ATP13A3: variants seen among roughly 807,000 people sequenced by gnomAD.
The protein encoded by ATP13A3 is ATPase 13A3, also known as polyamine-transporting ATPase 13A3.
Under a neutral mutation model 158.1 loss-of-function variants are expected in ATP13A3, and 59 were observed. That is an observed-to-expected ratio of 0.37 (90% confidence interval 0.30 to 0.46). The LOEUF is 0.46. ATP13A3 is among the 20% of genes least tolerant of loss of function. ATP13A3 has a pLI of 1.00. For synonymous variants in ATP13A3, 491 were observed against 504.3 expected (o/e 0.97, Z 0.35); for missense variants, 1,166 against 1,525.2 (o/e 0.76, Z 3.92).
intron 16 of ATP13A3, among the ~76,000 whole-genome samples, chr3:194,440,359 G>A (rs1237381307): frequency 6.6e-6 from 1 of 152,164 alleles, no homozygotes; most frequent in Non-Finnish European, 1.5e-5. Context: ...CTGACATGAG[G>A]GTGAGGATTC....
chr3:194,442,097 A>G (rs1170506755), intron 15 of ATP13A3, among the ~76,000 whole-genome samples: 1 of 152,246 alleles, frequency 6.6e-6, no homozygotes, highest in Non-Finnish European at 1.5e-5. Context: ...GTCCATAAGT[A>G]GCAGAGCAAG....
intron 2 of ATP13A3, among the ~76,000 whole-genome samples, chr3:194,471,234 T>C (rs1264585344): frequency 2.7e-5 from 4 of 150,314 alleles, no homozygotes; most frequent in Non-Finnish European, 1.5e-5. Context: ...AGTATACTTC[T>C]ATTAATTAGA....
Position 194,455,907 on chromosome 3 carries a change from G to A in ATP13A3, c.616C>T (p.Leu206Phe). 1 of 1,544,834 alleles carries A rather than the reference G, an allele frequency of 6.5e-7. No homozygotes were observed. The highest frequency in any genetic ancestry group is 8.8e-7 in the Non-Finnish European group (1 of 1,136,046). The change falls in exon 8 of 34, where the codon CTT (leucine) becomes TTT (phenylalanine). Residue 206 changes from leucine to phenylalanine, a missense_variant. This residue lies in a region of ATP13A3 where 997 missense variants were observed against 1,341.2 expected (regional missense o/e 0.74). Coordinates refer to ENST00000645319, the MANE Select transcript of ATP13A3 (RefSeq NM_001367549.1). ...AATAGTCTTACCTCTTTAATTAGAA[G>A]CTTAAAAACAGAAGGCACTTTTACA... ...IAVKVPSVFK[L>F]LIKEVLNPFY... is the part of the protein sequence containing the mutation.
intron 20 of ATP13A3, 129 bp downstream of exon 20, chr3:194,436,966 A>G (rs533843964): frequency 8.1e-7 from 1 of 1,230,412 alleles, no homozygotes; most frequent in East Asian, 2.4e-5. Context: ...TCAATCACCT[A>G]AAACAATATT....
At chr3:194,452,669 C>T (rs1718891648) in intron 10 of ATP13A3, 1 of 152,048 alleles carries the variant, frequency 6.6e-6, no homozygotes, top group Admixed American at 6.5e-5. Flanking sequence ...AATTTCTAGG[C>T]CTTTGGGTAT....
At chr3:194,411,636 C>T (rs544302625) in intron 33 of ATP13A3, among the ~76,000 whole-genome samples, 6 of 152,108 alleles carry the variant, frequency 3.9e-5, no homozygotes, top group South Asian at 4.2e-4. Flanking sequence ...TCCTAAACCA[C>T]GGTTTGTATG....
At chr3:194,428,231 A>AAAAAAAG (rs1553797766) in intron 28 of ATP13A3, among the ~76,000 whole-genome samples, 5,605 of 141,694 alleles carry the variant, frequency 0.04, 546 homozygotes, top group African/African-American at 0.14. Flanking sequence ...AAAAAAAAAA[A>AAAAAAAG]AAAAAAGAAA....
chr3:194,438,175 A>T (rs1399352931), intron 17 of ATP13A3, among the ~76,000 whole-genome samples: 2 of 152,030 alleles, frequency 1.3e-5, no homozygotes, highest in Non-Finnish European at 2.9e-5. Flanking sequence ...ATAATAATAA[A>T]CTCTGGAAAG....
At chr3:194,421,153 A>AGT (rs376115821) in intron 30 of ATP13A3, among the ~76,000 whole-genome samples, 57 of 4,096 alleles carry the variant, frequency 0.014, no homozygotes, top group South Asian at 0.034. Flanking sequence ...ATATATATAT[A>AGT]TATATATATA....
chr3:194,470,272 T>C (rs1420832572), intron 2 of ATP13A3, among the ~76,000 whole-genome samples: 1 of 152,186 alleles, frequency 6.6e-6, no homozygotes, highest in Non-Finnish European at 1.5e-5. Context: ...AGTGGAGTCT[T>C]TGTATAATTA....
At chr3:194,423,991 T>C (rs1377492046) in intron 30 of ATP13A3, among the ~76,000 whole-genome samples, 2 of 151,718 alleles carry the variant, frequency 1.3e-5, no homozygotes, top group South Asian at 4.1e-4. Context: ...TACCCTTACA[T>C]GTGTTCAACA....
intron 23 of ATP13A3, 37 bp downstream of exon 23, chr3:194,431,067 A>G: frequency 6.2e-7 from 1 of 1,613,688 alleles, no homozygotes. Context: ...GTTGCGATGC[A>G]TTCATGTGAG....
intron 21 of ATP13A3, among the ~76,000 whole-genome samples, chr3:194,433,369 G>C (rs973729594): frequency 6.7e-6 from 1 of 149,908 alleles, no homozygotes; most frequent in Non-Finnish European, 1.5e-5. Flanking sequence ...TCAGCCTCCC[G>C]AGTAGCTGGG....
chr3:194,465,357 G>A (rs895363964), intron 2 of ATP13A3, among the ~76,000 whole-genome samples: 2 of 152,120 alleles, frequency 1.3e-5, no homozygotes, highest in African/African-American at 2.4e-5. Flanking sequence ...CTAAGAACAC[G>A]ACTGACCTGC....
At position 194,486,374 on chromosome 3, in the gene ATP13A3, A is replaced by C. The variant is rs1334085032; in HGVS notation, c.-89+192T>G. Among the ~76,000 whole-genome samples, 4 of 129,282 alleles carry C rather than the reference A, an allele frequency of 3.1e-5. No homozygotes were observed. In the East Asian group the frequency reaches 6.7e-4, roughly 22 times the overall value. 84.8% of individuals were successfully genotyped at this position (129,282 alleles called of 152,430 possible). ...CCCCGGCAGGCGGCGCGTCCCCCCCAGGCCTTCGCACCCACCGCGTGGGCT... is the reference window on the plus strand; with the variant it reads ...CCCCGGCAGGCGGCGCGTCCCCCCCCGGCCTTCGCACCCACCGCGTGGGCT... On this transcript the variant is annotated intron_variant, in intron 1 of 33. Transcript: ENST00000645319.
intron 15 of ATP13A3, among the ~76,000 whole-genome samples, chr3:194,444,403 G>C (rs1171514542): frequency 6.6e-6 from 1 of 151,948 alleles, no homozygotes; most frequent in Non-Finnish European, 1.5e-5. Flanking sequence ...TTTGGAGAGG[G>C]GAAAAAAGCA....
intron 10 of ATP13A3, chr3:194,452,484 A>AAAAAT (rs1413079452): frequency 2.0e-5 from 3 of 152,278 alleles, no homozygotes; most frequent in African/African-American, 4.8e-5. Flanking sequence ...ACTCTATCGA[A>AAAAAT]AAAATAAAAT....
intron 2 of ATP13A3, among the ~76,000 whole-genome samples, chr3:194,493,323 C>G (rs1173850151): frequency 6.6e-6 from 1 of 152,110 alleles, no homozygotes; most frequent in Non-Finnish European, 1.5e-5. Context: ...CAGATATCAT[C>G]TCTAAATGCC....
intron 2 of ATP13A3, among the ~76,000 whole-genome samples, chr3:194,479,363 C>T (rs1720660927): frequency 1.3e-5 from 2 of 152,146 alleles, no homozygotes; most frequent in Non-Finnish European, 1.5e-5. Flanking sequence ...TTGTACTTTA[C>T]ATTTTACTTA....
Sources: gnomAD v4.1 joint callset for allele counts (sites outside exome capture counted in the v4.1 genomes callset) on GRCh38, gnomAD v4.1.1 for gene constraint, gnomAD v4.1.1 regional missense constraint, MANE v1.5 for transcripts, NCBI Gene and HGNC (gene_info 2026-07-23, HGNC 2026-07-21) for gene names.